Variants in DSCAML1 observed in about 807,000 individuals in gnomAD.
The protein encoded by DSCAML1 is cell adhesion molecule DSCAML1.
A neutral mutation model predicts 200.5 loss-of-function variants in DSCAML1; 38 were observed. The observed-to-expected ratio is 0.19, with a 90% CI of 0.15 to 0.25. The LOEUF (loss-of-function observed/expected upper bound fraction) is 0.25. DSCAML1 is among the 10% of genes least tolerant of loss of function. DSCAML1 has a pLI of 1.00. For synonymous variants in DSCAML1, 1,215 were observed against 1,165.0 expected, an observed-to-expected ratio of 1.04 and a Z score of -0.87; for missense variants, 2,223 against 2,858.8, an observed-to-expected ratio of 0.78 and a Z score of 5.07.
At chr11:117,464,843 G>T in intron 17 of DSCAML1, 99 bp downstream of exon 17, 1 of 1,537,610 alleles carries the variant, frequency 6.5e-7, no homozygotes, top group Non-Finnish European at 8.8e-7. Flanking sequence ...CCAAAATGGG[G>T]CCCAGGGGCA....
chr11:117,508,513 C>G (rs1235435392), intron 8 of DSCAML1, among the ~76,000 whole-genome samples: 1 of 151,474 alleles, frequency 6.6e-6, no homozygotes, highest in Non-Finnish European at 1.5e-5. Flanking sequence ...GGGGGTACGG[C>G]AAGCACAGGA....
intron 3 of DSCAML1, among the ~76,000 whole-genome samples, chr11:117,769,569 ATTATATATT>A (rs1565274429): frequency 1.5e-5 from 1 of 66,110 alleles, no homozygotes; most frequent in African/African-American, 4.4e-5. Flanking sequence ...TTTTATATAT[ATTATATATT>A]TTTTATATAT....
chr11:117,491,603 G>T (rs139965948), intron 11 of DSCAML1, among the ~76,000 whole-genome samples: 3 of 152,132 alleles, frequency 2.0e-5, no homozygotes, highest in Admixed American at 2.0e-4. Flanking sequence ...AACATGGCCC[G>T]TCTCTACTAA....
rs1405049235 is a variant in DSCAML1 at position 117,503,852 on chromosome 11, T to C, written c.2352A>G (p.Thr784=). The C allele has an allele frequency of 1.2e-6, 2 of 1,613,908 alleles. No homozygotes were observed. Among genetic ancestry groups the C allele is most frequent in the Middle Eastern group, 1.7e-4 (1 of 6,060 alleles). The change falls in exon 11 of 33, where the codon ACA becomes ACG. Residue 784 remains threonine, a synonymous_variant. Coordinates refer to ENST00000651296, the MANE Select transcript of DSCAML1 (RefSeq NM_020693.4). This position sits in a 1 kb window ranked among gnomAD's most constrained non-coding sequence, Gnocchi z 5.2. ...TGTGGGGACAGGACTCACTCTTGAC[T>C]GTGAGGAACATGGACTTGCTGATGT... ...GTDISKSMFL[T]VKIPAMITSH... is the part of the protein sequence containing the mutation.
intron 3 of DSCAML1, among the ~76,000 whole-genome samples, chr11:117,730,348 G>A (rs146127948): frequency 6.2e-4 from 95 of 152,296 alleles, no homozygotes; most frequent in Admixed American, 4.2e-3. Context: ...GTTGGAAAAG[G>A]CAAAGAAACA....
chr11:117,799,334 T>C (rs1371439587), upstream of DSCAML1, among the ~76,000 whole-genome samples: 2 of 152,174 alleles, frequency 1.3e-5, no homozygotes, highest in African/African-American at 4.8e-5. Context: ...GGAGGGGATC[T>C]GAGTGGGCCT....
intron 3 of DSCAML1, among the ~76,000 whole-genome samples, chr11:117,677,963 G>A (rs991677399): frequency 1.3e-5 from 2 of 152,232 alleles, no homozygotes; most frequent in African/African-American, 4.8e-5. Context: ...GCCGAAGAAA[G>A]AGGCTGTGCG....
At chr11:117,675,931 T>C (rs1157443964) in intron 3 of DSCAML1, among the ~76,000 whole-genome samples, 2 of 152,046 alleles carry the variant, frequency 1.3e-5, no homozygotes, top group East Asian at 3.9e-4. Context: ...CCATACTGAG[T>C]GGTCCCCACT....
chr11:117,513,905 T>G (rs1047044117), intron 8 of DSCAML1, among the ~76,000 whole-genome samples: 8 of 152,202 alleles, frequency 5.3e-5, no homozygotes, highest in Non-Finnish European at 8.8e-5. Flanking sequence ...TCCTGTGCAC[T>G]GATGGCAGGA....
In DSCAML1 at chr11:117,650,700, T is replaced by TGTGCAC. The variant is rs147584706; in HGVS notation, c.512-118179_512-118178insGTGCAC. On this transcript the variant is annotated intron_variant, in intron 3 of 32. Transcript: ENST00000651296. ...GTGTGTGTGTGTGTGTGTGTGTGTGTGCGTGTGTGTGTGTGGTGGGGATTG... is the reference window on the plus strand; with the variant it reads ...GTGTGTGTGTGTGTGTGTGTGTGTGTGTGCACGCGTGTGTGTGTGTGGTGGGGATTG... Among the ~76,000 whole-genome samples the TGTGCAC allele has an allele frequency of 8.4e-3, 1,236 of 147,436 alleles. 22 individuals carry two copies. Among genetic ancestry groups the TGTGCAC allele is most frequent in the African/African-American group, 0.029 (1,146 of 40,004 alleles).
rs536487786 is a variant in DSCAML1, at chr11:117,613,398, A to G, written c.512-80876T>C. Among the ~76,000 whole-genome samples the G allele has an allele frequency of 1.6e-4, 25 of 152,268 alleles. No homozygotes were observed. The South Asian group carries it at 4.6e-3, about 28-fold the overall frequency. ...CAACAAAGGTGAGGCAGAAGCTTAA[A>G]GGGGAAAGGTGAAGGGGGGCCTTGA... On this transcript the variant is annotated intron_variant, in intron 3 of 32. Transcript: ENST00000651296.
At position 117,503,747 on chromosome 11, in the gene DSCAML1, T is replaced by A; in HGVS notation, c.2359+98A>T. 2.9e-6 allele frequency: 4 copies of A among 1,374,952 alleles called. No individual in the cohort carries two copies. The highest frequency in any genetic ancestry group is 2.9e-6 in the Non-Finnish European group (3 of 1,020,220). 85.2% of individuals were successfully genotyped at this position (1,374,952 alleles called of 1,614,324 possible). ...AGCCTTCCTGCCTCCCCTTCATAGA[T>A]GAAACGACGGAGACTAAGAGAGTAG... On this transcript the variant is annotated intron_variant, in intron 11 of 32. Coordinates refer to ENST00000651296, the MANE Select transcript of DSCAML1 (RefSeq NM_020693.4). The surrounding 1 kb of genome is among the most constrained non-coding windows in gnomAD (Gnocchi z 5.2).
chr11:117,703,846 G>A lies in DSCAML1; in HGVS notation c.511+72945C>T, dbSNP rs778620225. Among the ~76,000 whole-genome samples the A allele has an allele frequency of 2.7e-4, 41 of 152,104 alleles. 1 individual carries two copies. The highest frequency in any genetic ancestry group is 3.2e-3 in the Middle Eastern group (1 of 314). ...ATTGAGAGGAAAGAAGAATAATGAC[G>A]GTGATGATGATCAGCATCATAACAA... On this transcript the variant is annotated intron_variant, in intron 3 of 32. Coordinates refer to ENST00000651296, the MANE Select transcript of DSCAML1 (RefSeq NM_020693.4).
intron 27 of DSCAML1, among the ~76,000 whole-genome samples, chr11:117,434,928 T>G (rs1358917295): frequency 6.6e-6 from 1 of 152,254 alleles, no homozygotes; most frequent in Non-Finnish European, 1.5e-5. Context: ...TGTGCTACTA[T>G]TGTCTCCTGG....
At chr11:117,432,211 C>T (rs1459609883) in intron 30 of DSCAML1, 141 bp downstream of exon 30, 1 of 996,056 alleles carries the variant, frequency 1.0e-6, no homozygotes, top group Non-Finnish European at 1.4e-6. Context: ...TCTCCAGACG[C>T]TCATTCCAGT....
intron 4 of DSCAML1, among the ~76,000 whole-genome samples, chr11:117,527,567 C>A (rs936092886): frequency 6.6e-6 from 1 of 152,174 alleles, no homozygotes; most frequent in Non-Finnish European, 1.5e-5. Context: ...GCTTAGGGAG[C>A]TTGAGGCACA....
chr11:117,465,180 T>G lies in DSCAML1; in HGVS notation c.3027A>C (p.Ala1009=). The change falls in exon 17 of 33, where the codon GCA becomes GCC. Residue 1009 remains alanine, a splice_region_variant and synonymous_variant. Transcript: ENST00000651296. The part of the protein sequence containing the change: ...TSQSIQVTWK[A]PKKELQNGVI... ...CACCGTTCTGCAGCTCCTTCTTGGG[T>G]GCCTGTGAGCATGGGGTGGGGGTGG... 5 of 1,611,884 alleles carry G rather than the reference T, an allele frequency of 3.1e-6. No individual in the cohort carries two copies. The highest frequency in any genetic ancestry group is 1.7e-5 in the Admixed American group (1 of 59,956).
chr11:117,613,381 G>T (rs2051737026), intron 3 of DSCAML1, among the ~76,000 whole-genome samples: 1 of 152,154 alleles, frequency 6.6e-6, no homozygotes, highest in Non-Finnish European at 1.5e-5. Context: ...GACAACAAAG[G>T]TGAGGCAGAA....
rs2047793297 is a variant in DSCAML1 at position 117,431,519 on chromosome 11, G to C, written c.5374+15C>G. On this transcript the variant is annotated intron_variant, in intron 31 of 32. Transcript: ENST00000651296. ...GGGGGAGGTGTTCAGGATGCCAGCAGGGCCTTAGGCACACCTGTGTCCTGG... is the reference window on the plus strand; with the variant it reads ...GGGGGAGGTGTTCAGGATGCCAGCACGGCCTTAGGCACACCTGTGTCCTGG... The C allele has an allele frequency of 6.5e-7, 1 of 1,529,130 alleles. No homozygotes were observed. The highest frequency in any genetic ancestry group is 1.4e-5 in the African/African-American group (1 of 72,904). The allele number at this position is 1,529,130 out of a possible 1,614,324, so 94.7% of individuals were successfully genotyped here.
Sources: allele counts gnomAD v4.1 joint callset (sites outside exome capture counted in the v4.1 genomes callset), GRCh38; gene constraint gnomAD v4.1.1; non-coding constraint Gnocchi (gnomAD v3.1); transcripts MANE v1.5; gene names NCBI Gene and HGNC (gene_info 2026-07-23, HGNC 2026-07-21).